Variants in BEST2 observed in about 807,000 individuals in gnomAD.
BEST2 encodes bestrophin-2a.
BEST2 carries 36 observed loss-of-function variants against 49.0 expected under a neutral mutation model. That is an observed-to-expected ratio of 0.73 (90% CI 0.56 to 0.97). BEST2 has a LOEUF of 0.97. BEST2 is among the 50% of genes least tolerant of loss of function. BEST2 has a pLI of 0.00. For missense variants in BEST2, 672 were observed against 710.0 expected (o/e 0.95, Z 0.61); for synonymous variants, 335 against 304.4 (o/e 1.10, Z -1.05).
rs45546836 is a variant in BEST2 at position 12,755,518 on chromosome 19, G to A, written c.714+62G>A. ...GTGGCCCTGATGCCTGGTTTCCAAG[G>A]GGAAACCAAGAACTAGCTAAGACCC... On this transcript the variant is annotated intron_variant, in intron 6 of 9. Coordinates refer to ENST00000553030, the MANE Select transcript of BEST2 (RefSeq NM_017682.3). The surrounding 1 kb of genome is among the most constrained non-coding windows in gnomAD (Gnocchi z 4.4). The A allele has an allele frequency of 0.01, 16,595 of 1,606,998 alleles. 126 individuals are homozygous for A. The highest frequency in any genetic ancestry group is 0.013 in the Middle Eastern group (78 of 6,046).
At position 12,753,415 on chromosome 19, in the gene BEST2, C is replaced by A. The variant is rs929192578; in HGVS notation, c.247+61C>A. The A allele has an allele frequency of 1.1e-5, 16 of 1,505,194 alleles. No individual in the cohort carries two copies. In the African/African-American group the frequency reaches 2.1e-4, roughly 20 times the overall value. The allele number at this position is 1,505,194 out of a possible 1,614,324, so 93.2% of individuals were successfully genotyped here. ...CCTGAGAAACCCATATCCATTCATGCCTTTTGAGGAGCCCCCATTCCTGCC... is the reference window on the plus strand; with the variant it reads ...CCTGAGAAACCCATATCCATTCATGACTTTTGAGGAGCCCCCATTCCTGCC... On this transcript the variant is annotated intron_variant, in intron 3 of 9. Transcript: ENST00000553030.
Position 12,755,219 on chromosome 19 carries a change from T to C in BEST2, c.637-160T>C, listed in dbSNP as rs943850438. On this transcript the variant is annotated intron_variant, in intron 5 of 9. Coordinates refer to ENST00000553030, the MANE Select transcript of BEST2 (RefSeq NM_017682.3). This position sits in a 1 kb window ranked among gnomAD's most constrained non-coding sequence, Gnocchi z 4.4. ...CAGCTCCTGGGTGCATGGTACCTCA[T>C]CCAGGTGCACACTCACCACCAAATA... Among the ~76,000 whole-genome samples the C allele has an allele frequency of 2.0e-5, 3 of 151,962 alleles. No homozygotes were observed. The highest frequency in any genetic ancestry group is 7.3e-5 in the African/African-American group (3 of 41,340).
intron 9 of BEST2, among the ~76,000 whole-genome samples, chr19:12,757,238 C>A (rs1967955764): frequency 1.3e-5 from 2 of 152,118 alleles, no homozygotes; most frequent in South Asian, 2.1e-4. Flanking sequence ...CATGGTGAAA[C>A]CCCATCTCTA....
chr19:12,753,653 T>C (rs1188919780), intron 3 of BEST2, among the ~76,000 whole-genome samples: 2 of 151,988 alleles, frequency 1.3e-5, no homozygotes, highest in Admixed American at 6.6e-5. Context: ...GTGTCTGTTG[T>C]GTTATTAGGG....
chr19:12,753,272 C>T lies in BEST2; in HGVS notation c.165C>T (p.Thr55=), dbSNP rs746848138. 1.4e-5 allele frequency: 23 copies of T among 1,614,032 alleles called. No homozygotes were observed. The highest frequency in any genetic ancestry group is 4.5e-5 in the East Asian group (2 of 44,890). The change falls in exon 3 of 10, where the codon ACC becomes ACT. Residue 55 remains threonine (T), a synonymous_variant. Transcript: ENST00000553030. ...CTCTATCCCGCAGCTTTGTGCTGACCGAAGGGCAGAAGCGCTACTTCGAGA... is the reference window on the plus strand; with the variant it reads ...CTCTATCCCGCAGCTTTGTGCTGACTGAAGGGCAGAAGCGCTACTTCGAGA... The part of the protein sequence containing the change: ...ALSAAYRFVL[T]EGQKRYFEKL...
At position 12,757,748 on chromosome 19, in the gene BEST2, G is replaced by A; in HGVS notation, c.1201G>A (p.Gly401Ser). The A allele has an allele frequency of 1.9e-6, 3 of 1,544,230 alleles. No individual in the cohort carries two copies. Among genetic ancestry groups the A allele is most frequent in the East Asian group, 4.9e-5 (2 of 40,868 alleles). Reference sequence around the variant, plus strand: ...CTTCCTGCAGCGCCTCCTGCCGGCGGGCGCGGGCATGGTCGCGGGAGGCCC... The same window carrying A: ...CTTCCTGCAGCGCCTCCTGCCGGCGAGCGCGGGCATGGTCGCGGGAGGCCC... Reference protein sequence around the residue: ...GDFLQRLLPAGAGMVAGGPLG... With the variant: ...GDFLQRLLPASAGMVAGGPLG... The change falls in exon 10 of 10, where the codon GGC becomes AGC. Residue 401 changes from glycine (G) to serine (S), a missense_variant. This residue lies in a region of BEST2 where 291 missense variants were observed against 279.8 expected (regional missense o/e 1.04). Transcript: ENST00000553030.
rs1407840110 is a variant in BEST2 at position 12,754,897 on chromosome 19, C to T, written c.502C>T (p.Arg168Cys). The change falls in exon 5 of 10, where the codon CGC (arginine) becomes TGC (cysteine). Residue 168 changes from arginine to cysteine, a missense_variant. By Grantham distance (180) the Arg-to-Cys change is radical (BLOSUM62 -3). Transcript: ENST00000553030. ...TCCAGGGTTTATGACCCGCGAGGAG[C>T]GCAAGAAGTTTGAAAACCTGAACTC... ...VEAGFMTREERKKFENLNSSY... is the reference protein window; with the variant it reads ...VEAGFMTREECKKFENLNSSY... 3 of 1,613,090 alleles carry T rather than the reference C, an allele frequency of 1.9e-6. No individual in the cohort carries two copies. Among genetic ancestry groups the T allele is most frequent in the Admixed American group, 1.7e-5 (1 of 59,776 alleles).
Position 12,752,739 on chromosome 19 carries a change from C to T in BEST2, c.147C>T (p.Ala49=), listed in dbSNP as rs371836716. Residue 49 remains alanine (A), a synonymous_variant, in exon 2 of 10, where the codon GCC becomes GCT. Coordinates refer to ENST00000553030, the MANE Select transcript of BEST2 (RefSeq NM_017682.3). ...GGTTCTACATGGCGCTGAGTGCTGC[C>T]TACCGGTGAGGCTGCCCTGAGGTGC... ...FLGFYMALSA[A]YRFVLTEGQK... 3.3e-5 allele frequency: 53 copies of T among 1,611,310 alleles called. No individual in the cohort carries two copies. The highest frequency in any genetic ancestry group is 2.1e-4 in the Middle Eastern group (1 of 4,802).
At chr19:12,757,581 A>G in intron 9 of BEST2, 70 bp from the exon 10 acceptor site, 6 of 1,473,354 alleles carry the variant, frequency 4.1e-6, no homozygotes, top group Middle Eastern at 2.4e-4. Context: ...CAGGGAAATC[A>G]GCGCGCCTGG....
rs774838546 is a variant in BEST2, at chr19:12,755,273, C to T, written c.637-106C>T. On this transcript the variant is annotated intron_variant, in intron 5 of 9. Coordinates refer to ENST00000553030, the MANE Select transcript of BEST2 (RefSeq NM_017682.3). The surrounding 1 kb of genome is among the most constrained non-coding windows in gnomAD (Gnocchi z 4.4). Reference sequence around the variant, plus strand: ...TCCCTGGAACCCCCAAAGCACACTCCCAATTCCCACCAGGTGACCACCCAC... The same window carrying T: ...TCCCTGGAACCCCCAAAGCACACTCTCAATTCCCACCAGGTGACCACCCAC... 2.7e-5 allele frequency: 34 copies of T among 1,258,624 alleles called. 1 individual carries two copies. The Middle Eastern group carries it at 5.9e-4, about 22-fold the overall frequency. 78.0% of individuals were successfully genotyped at this position (1,258,624 alleles called of 1,614,324 possible).
Position 12,757,823 on chromosome 19 carries a change from G to C in BEST2, c.1276G>C (p.Glu426Gln). The C allele has an allele frequency of 2.6e-6, 4 of 1,549,076 alleles. No homozygotes were observed. The highest frequency in any genetic ancestry group is 3.5e-6 in the Non-Finnish European group (4 of 1,146,616). Residue 426 changes from glutamate to glutamine, a missense_variant, in exon 10 of 10, where the codon GAG (glutamate) becomes CAG (glutamine). Physicochemically the swap from Glu to Gln is conservative, Grantham distance 29. Around this residue, in one of 3 missense-constraint regions of BEST2, gnomAD observed 291 missense variants for 279.8 expected, o/e 1.04. Coordinates refer to ENST00000553030, the MANE Select transcript of BEST2 (RefSeq NM_017682.3). Reference sequence around the variant, plus strand: ...ACTCCGCAAGAACAGCTGCGTGTCGGAGGCGTCTACTGGGGCCAGCTGCTC... The same window carrying C: ...ACTCCGCAAGAACAGCTGCGTGTCGCAGGCGTCTACTGGGGCCAGCTGCTC... ...FLLRKNSCVS[E>Q]ASTGASCSCA...
chr19:12,758,144 C>T lies in BEST2; in HGVS notation c.*67C>T, dbSNP rs893000529. ...CTGCACGGCACCCACGCAGGTGTCC[C>T]GGTCTGCATAAGCCTCGTGTGCCTT... On this transcript the variant is annotated 3_prime_UTR_variant, in exon 10 of 10. Transcript: ENST00000553030. 57 of 1,543,686 alleles carry T rather than the reference C, an allele frequency of 3.7e-5. No homozygotes were observed. The highest frequency in any genetic ancestry group is 1.7e-4 in the Middle Eastern group (1 of 5,722).
chr19:12,753,441 CCT>C, intron 3 of BEST2, 87 bp downstream of exon 3: 1 of 1,271,170 alleles, frequency 7.9e-7, no homozygotes, highest in Non-Finnish European at 1.1e-6. Context: ...CATTCCTGCC[CCT>C]CTGAGATCCC....
intron 9 of BEST2, among the ~76,000 whole-genome samples, chr19:12,757,360 C>G (rs894020840): frequency 6.6e-6 from 1 of 152,030 alleles, no homozygotes; most frequent in Non-Finnish European, 1.5e-5. Context: ...TGTGGTGAGC[C>G]GAGATTGCGC....
intron 9 of BEST2, chr19:12,756,712 T>A (rs1298614610): frequency 4.9e-6 from 1 of 206,136 alleles, no homozygotes; most frequent in Non-Finnish European, 1.0e-5. Context: ...CCAAGCGTGG[T>A]GGTGCACGCC....
rs750474711 is a variant in BEST2, at chr19:12,753,339, G to C, written c.232G>C (p.Val78Leu). ...YCDQYASLIPVSFVLGFYVTL... is the reference protein window; with the variant it reads ...YCDQYASLIPLSFVLGFYVTL... ...TGACCAGTATGCCAGCCTCATCCCT[G>C]TCTCCTTCGTGCTTGGTGCGGTCCA... is the stretch of plus-strand genomic sequence containing the variant. Residue 78 changes from valine (V) to leucine (L), a missense_variant, in exon 3 of 10, where the codon GTC becomes CTC. Around this residue, in one of 3 missense-constraint regions of BEST2, gnomAD observed 365 missense variants for 390.9 expected, o/e 0.93. Coordinates refer to ENST00000553030, the MANE Select transcript of BEST2 (RefSeq NM_017682.3). 3 of 1,613,940 alleles carry C rather than the reference G, an allele frequency of 1.9e-6. No homozygotes were observed. Among genetic ancestry groups the C allele is most frequent in the Non-Finnish European group, 2.5e-6 (3 of 1,179,986 alleles).
rs1272684833 is a variant in BEST2 at position 12,755,364 on chromosome 19, T to C, written c.637-15T>C. ...TCACCATTCAGGCCTCCTCATGACCTGTATCCACCCCCAGGAGCTGAATGT... is the reference window on the plus strand; with the variant it reads ...TCACCATTCAGGCCTCCTCATGACCCGTATCCACCCCCAGGAGCTGAATGT... On this transcript the variant is annotated splice_polypyrimidine_tract_variant and intron_variant, in intron 5 of 9. Transcript: ENST00000553030. The surrounding 1 kb of genome is among the most constrained non-coding windows in gnomAD (Gnocchi z 4.4). 6.2e-7 allele frequency: 1 copy of C among 1,613,720 alleles called. No homozygotes were observed. Among genetic ancestry groups the C allele is most frequent in the Non-Finnish European group, 8.5e-7 (1 of 1,179,772 alleles).
chr19:12,756,499 T>A (rs1967945854), intron 9 of BEST2: 1 of 701,684 alleles, frequency 1.4e-6, no homozygotes, highest in Non-Finnish European at 2.3e-6. Context: ...GGGACAGAGC[T>A]AAGGGCTGAG....
intron 3 of BEST2, 59 bp downstream of exon 3, chr19:12,753,413 T>C: frequency 6.5e-7 from 1 of 1,539,886 alleles, no homozygotes; most frequent in East Asian, 2.3e-5. Flanking sequence ...TATCCATTCA[T>C]GCCTTTTGAG....
Sources: gnomAD v4.1 joint callset for allele counts (sites outside exome capture counted in the v4.1 genomes callset) on GRCh38, gnomAD v4.1.1 for gene constraint, gnomAD v4.1.1 regional missense constraint, Gnocchi (gnomAD v3.1) non-coding constraint, MANE v1.5 for transcripts, NCBI Gene and HGNC (gene_info 2026-07-23, HGNC 2026-07-21) for gene names.